LMTK2: variants seen among roughly 807,000 people sequenced by gnomAD.
The protein encoded by LMTK2 is serine/threonine-protein kinase LMTK2.
Under a neutral mutation model 127.5 loss-of-function variants are expected in LMTK2, and 37 were observed. The observed-to-expected ratio is 0.29, with a 90% CI of 0.22 to 0.38. The LOEUF (loss-of-function observed/expected upper bound fraction) is 0.38. Among genes scored for constraint, LMTK2 ranks in the 10% least tolerant of loss-of-function variants. The pLI is 1.00. For missense variants in LMTK2, 1,694 were observed against 1,920.3 expected, an observed-to-expected ratio of 0.88 and a Z score of 2.20; for synonymous variants, 819 against 810.1, an observed-to-expected ratio of 1.01 and a Z score of -0.19.
intron 3 of LMTK2, among the ~76,000 whole-genome samples, chr7:98,145,465 A>G (rs1796759082): frequency 6.6e-6 from 1 of 152,174 alleles, no homozygotes; most frequent in Admixed American, 6.5e-5. Flanking sequence ...TTTTTAAAAA[A>G]TATTTTAAGC....
intron 7 of LMTK2, among the ~76,000 whole-genome samples, chr7:98,180,375 C>G (rs1334560994): frequency 4.6e-5 from 7 of 152,124 alleles, no homozygotes; most frequent in Non-Finnish European, 1.5e-5. Context: ...ATAAATTAGG[C>G]CTCCTTTTCT....
chr7:98,107,486 G>A (rs1584235828), intron 1 of LMTK2, among the ~76,000 whole-genome samples: 1 of 150,994 alleles, frequency 6.6e-6, no homozygotes, highest in Non-Finnish European at 1.5e-5. Context: ...TGGGGCTGGG[G>A]AGGGCGGCGG....
At chr7:98,127,264 C>T (rs1242530933) in intron 1 of LMTK2, among the ~76,000 whole-genome samples, 8 of 152,120 alleles carry the variant, frequency 5.3e-5, no homozygotes, top group African/African-American at 1.9e-4. Flanking sequence ...CTCTGGGCTG[C>T]AGTGCTACTT....
At chr7:98,166,481 TTTTTG>T (rs1797102971) in intron 6 of LMTK2, among the ~76,000 whole-genome samples, 1 of 152,224 alleles carries the variant, frequency 6.6e-6, no homozygotes, top group Admixed American at 6.5e-5. Flanking sequence ...GTGCAATGTG[TTTTTG>T]TTTTAACCTA....
Position 98,192,710 on chromosome 7 carries a change from C to T in LMTK2, c.2245C>T (p.Leu749Phe). Residue 749 changes from leucine (L) to phenylalanine (F), a missense_variant, in exon 11 of 14, where the codon CTT becomes TTT. Physicochemically the swap from Leu to Phe is conservative, Grantham distance 22 (BLOSUM62 0). Transcript: ENST00000297293. ...ACACATAAATGATCTTCAGACAGAA[C>T]TTAAGAATGCTGGTTTTACTGAAGC... ...KEHINDLQTE[L>F]KNAGFTEAML... The T allele has an allele frequency of 1.2e-6, 2 of 1,612,192 alleles. No homozygotes were observed. The highest frequency in any genetic ancestry group is 2.7e-5 in the African/African-American group (2 of 74,942).
At chr7:98,201,214 C>T (rs1434978017) in intron 11 of LMTK2, among the ~76,000 whole-genome samples, 1 of 152,140 alleles carries the variant, frequency 6.6e-6, no homozygotes, top group Non-Finnish European at 1.5e-5. Flanking sequence ...TCCTTCCACC[C>T]TCCACGGTCT....
At chr7:98,123,665 T>C (rs756932088) in intron 1 of LMTK2, among the ~76,000 whole-genome samples, 1 of 152,148 alleles carries the variant, frequency 6.6e-6, no homozygotes, top group Non-Finnish European at 1.5e-5. Flanking sequence ...CTTTGAACCT[T>C]GAAAGTTGTG....
At chr7:98,120,345 AG>A (rs1796343693) in intron 1 of LMTK2, among the ~76,000 whole-genome samples, 1 of 152,204 alleles carries the variant, frequency 6.6e-6, no homozygotes, top group African/African-American at 2.4e-5. Context: ...AGACTGAGGA[AG>A]GGACTTGAGT....
chr7:98,137,226 T>G, intron 1 of LMTK2, 89 bp from the exon 2 acceptor site: 3 of 1,263,270 alleles, frequency 2.4e-6, no homozygotes, highest in Non-Finnish European at 3.3e-6. Context: ...CTTACACCCA[T>G]TTGTATGTAG....
Position 98,144,074 on chromosome 7 carries a change from G to A in LMTK2, c.376+2533G>A, listed in dbSNP as rs573352262. Among the ~76,000 whole-genome samples the A allele has an allele frequency of 1.1e-4, 17 of 152,078 alleles. No individual in the cohort carries two copies. The South Asian group carries it at 2.9e-3, about 26-fold the overall frequency. On this transcript the variant is annotated intron_variant, in intron 3 of 13. Transcript: ENST00000297293. ...TTTTCTTTTTTTCTATTTTTAAAAT[G>A]TATTTTATTTTTTGCATAGATAATA...
chr7:98,111,450 A>G (rs2116313771), intron 1 of LMTK2, among the ~76,000 whole-genome samples: 1 of 152,376 alleles, frequency 6.6e-6, no homozygotes, highest in Non-Finnish European at 1.5e-5. Flanking sequence ...TTCATGAACC[A>G]ATCCTAGCTG....
intron 3 of LMTK2, among the ~76,000 whole-genome samples, chr7:98,143,880 ATGTC>A (rs936867697): frequency 2.6e-5 from 4 of 152,298 alleles, no homozygotes; most frequent in African/African-American, 9.6e-5. Context: ...AACAGATTAA[ATGTC>A]TGTCAATATG....
At chr7:98,140,122 CTTTCTTTCTTTCTTTCTTTCTTTTCT>C (rs1412316000) in intron 2 of LMTK2, among the ~76,000 whole-genome samples, 2 of 37,620 alleles carry the variant, frequency 5.3e-5, no homozygotes, top group African/African-American at 3.1e-4. Flanking sequence ...TTCTTTCTTT[CTTTCTTTCTTTCTTTCTTTCTTTTCT>C]TTTCTTTTCT....
intron 6 of LMTK2, among the ~76,000 whole-genome samples, chr7:98,166,843 T>G (rs1418096004): frequency 6.6e-6 from 1 of 152,228 alleles, no homozygotes; most frequent in East Asian, 1.9e-4. Context: ...AACACATTTC[T>G]CAGAAGGCAT....
rs1271673173 is a variant in LMTK2 at position 98,191,779 on chromosome 7, C to G, written c.1314C>G (p.Ser438=). 6.2e-7 allele frequency: 1 copy of G among 1,614,180 alleles called. No individual in the cohort carries two copies. ...AGCCGAACACAAACAGCAGAGACTC[C>G]TCCAACAATGCTGCATTCCCAATTC... ...ALKPNTNSRD[S]SNNAAFPILD... Residue 438 remains serine, a synonymous_variant, in exon 11 of 14, where the codon TCC becomes TCG. Transcript: ENST00000297293.
chr7:98,201,506 A>G (rs144849267), intron 11 of LMTK2, among the ~76,000 whole-genome samples: 29 of 152,292 alleles, frequency 1.9e-4, no homozygotes, highest in African/African-American at 7.0e-4. Context: ...TCAAGCTGTA[A>G]TACATGTTTT....
Position 98,205,512 on chromosome 7 carries a change from C to T in LMTK2, c.*20C>T, listed in dbSNP as rs370532122. 2 of 1,611,790 alleles carry T rather than the reference C, an allele frequency of 1.2e-6. No homozygotes were observed. Among genetic ancestry groups the T allele is most frequent in the Non-Finnish European group, 1.7e-6 (2 of 1,179,890 alleles). On this transcript the variant is annotated 3_prime_UTR_variant, in exon 14 of 14. Transcript: ENST00000297293. The stretch of plus-strand genomic sequence containing the variant: ...GACTAGGTGGCTGCCAACGCGCACG[C>T]TCGGGTCCGAGGCTGCTCCCCTGGA...
At chr7:98,158,462 A>T (rs1796962433) in intron 5 of LMTK2, among the ~76,000 whole-genome samples, 1 of 152,126 alleles carries the variant, frequency 6.6e-6, no homozygotes, top group Non-Finnish European at 1.5e-5. Context: ...TTTTGTACAG[A>T]TCTGGTCTCC....
intron 5 of LMTK2, among the ~76,000 whole-genome samples, chr7:98,157,101 T>C (rs1219768348): frequency 1.3e-5 from 2 of 151,538 alleles, no homozygotes; most frequent in Non-Finnish European, 2.9e-5. Context: ...TCAGAAAAAT[T>C]AGTTGGGCAT....
Sources: allele counts gnomAD v4.1 joint callset (sites outside exome capture counted in the v4.1 genomes callset), GRCh38; gene constraint gnomAD v4.1.1; transcripts MANE v1.5; gene names NCBI Gene and HGNC (gene_info 2026-07-23, HGNC 2026-07-21).